Variants in PRKCB observed in about 807,000 individuals in gnomAD.
The protein encoded by PRKCB is protein kinase C beta.
Under a neutral mutation model 81.5 loss-of-function variants are expected in PRKCB, and 13 were observed. The ratio of observed to expected loss-of-function variants is 0.16; its 90% CI spans 0.10 to 0.25. The LOEUF (loss-of-function observed/expected upper bound fraction) is 0.25, where lower values mean the gene tolerates loss of function less well. PRKCB is among the 10% of genes least tolerant of loss of function. The pLI is 1.00. For synonymous variants in PRKCB, 335 were observed against 321.4 expected (o/e 1.04, Z -0.45); for missense variants, 509 against 875.7 (o/e 0.58, Z 5.29).
At chr16:24,021,018 T>TTCTTTCTTTCTTTCTTTTTC (rs1965362433) in intron 3 of PRKCB, among the ~76,000 whole-genome samples, 14 of 134,532 alleles carry the variant, frequency 1.0e-4, no homozygotes, top group African/African-American at 4.0e-4. Flanking sequence ...CTTTCTTTCT[T>TTCTTTCTTTCTTTCTTTTTC]TCTTTCTTTC....
At position 24,168,714 on chromosome 16, in the gene PRKCB, CTATTTTTTTT is replaced by C. The variant is rs1444401204; in HGVS notation, c.1240-3554_1240-3545del. Among the ~76,000 whole-genome samples, 17 of 120,864 alleles carry C rather than the reference CTATTTTTTTT, an allele frequency of 1.4e-4. No individual in the cohort carries two copies. In the East Asian group the frequency reaches 1.5e-3, roughly 11 times the overall value. The allele number at this position is 120,864 out of a possible 152,430, so 79.3% of individuals were successfully genotyped here. Reference sequence around the variant, plus strand: ...TACAGGTGCTCACCACCATGCCTGGCTATTTTTTTTTTTTTTTTTTTTTTGGTAGAGGCAG... The same window carrying C: ...TACAGGTGCTCACCACCATGCCTGGCTTTTTTTTTTTTTTGGTAGAGGCAG... On this transcript the variant is annotated intron_variant, in intron 10 of 16. Coordinates refer to ENST00000643927, the MANE Select transcript of PRKCB (RefSeq NM_002738.7).
At chr16:24,153,718 G>T (rs1967112026) in intron 9 of PRKCB, among the ~76,000 whole-genome samples, 1 of 152,166 alleles carries the variant, frequency 6.6e-6, no homozygotes, top group African/African-American at 2.4e-5. Context: ...TGGTTAACTG[G>T]CCCTGAATAT....
intron 9 of PRKCB, among the ~76,000 whole-genome samples, chr16:24,135,556 G>A (rs1339849471): frequency 1.3e-5 from 2 of 151,812 alleles, no homozygotes; most frequent in Non-Finnish European, 1.5e-5. Flanking sequence ...CAAGTGATCC[G>A]CCTGCCTCAG....
At chr16:24,146,420 A>C (rs1222812410) in intron 9 of PRKCB, among the ~76,000 whole-genome samples, 1 of 152,220 alleles carries the variant, frequency 6.6e-6, no homozygotes, top group Non-Finnish European at 1.5e-5. Context: ...CACCAAAAGC[A>C]AAGTATTGTT....
In PRKCB at chr16:24,168,769, G is replaced by A. The variant is rs185182209; in HGVS notation, c.1240-3501G>A. The stretch of plus-strand genomic sequence containing the variant: ...AGGCAGAGTCTTGCTATGTTCCCCA[G>A]GCTGTTCTCAAACTCCTAGCCTCAA... On this transcript the variant is annotated intron_variant, in intron 10 of 16. Transcript: ENST00000643927. Among the ~76,000 whole-genome samples the A allele has an allele frequency of 4.9e-5, 7 of 143,148 alleles. No homozygotes were observed. In the East Asian group the frequency reaches 1.4e-3, roughly 29 times the overall value. The allele number at this position is 143,148 out of a possible 152,430, so 93.9% of individuals were successfully genotyped here.
chr16:24,039,146 C>T (rs1353034217), intron 5 of PRKCB, among the ~76,000 whole-genome samples: 3 of 152,196 alleles, frequency 2.0e-5, no homozygotes, highest in African/African-American at 7.2e-5. Context: ...TGAGTCCTTA[C>T]CAGGAATTGA....
At chr16:24,206,947 T>A (rs1968055949) in intron 16 of PRKCB, among the ~76,000 whole-genome samples, 1 of 152,232 alleles carries the variant, frequency 6.6e-6, no homozygotes. Context: ...TCATTTTGTT[T>A]TGAGACAGGG....
At chr16:23,950,899 A>G (rs977437538) in intron 2 of PRKCB, among the ~76,000 whole-genome samples, 1 of 152,210 alleles carries the variant, frequency 6.6e-6, no homozygotes, top group African/African-American at 2.4e-5. Flanking sequence ...ATGCCTGAGC[A>G]TCCCTGGTAG....
intron 2 of PRKCB, among the ~76,000 whole-genome samples, chr16:23,934,819 G>A (rs1239788634): frequency 2.0e-5 from 3 of 152,268 alleles, no homozygotes; most frequent in Admixed American, 6.5e-5. Flanking sequence ...TTGTGGGTGG[G>A]GAGGAAAGAG....
In PRKCB at chr16:24,174,774, A is replaced by G. The variant is rs75955985; in HGVS notation, c.1394+194A>G. On this transcript the variant is annotated intron_variant, in intron 12 of 16. Coordinates refer to ENST00000643927, the MANE Select transcript of PRKCB (RefSeq NM_002738.7). ...AGTTTGGGCAGCTCTATATGGTGGTAGAAAATCTCGGTGGACTGTGTCACC... is the reference window on the plus strand; with the variant it reads ...AGTTTGGGCAGCTCTATATGGTGGTGGAAAATCTCGGTGGACTGTGTCACC... The G allele has an allele frequency of 1.8e-3, 890 of 502,458 alleles. 8 individuals carry two copies. Among genetic ancestry groups the G allele is most frequent in the African/African-American group, 0.016 (824 of 51,998 alleles). The allele number at this position is 502,458 out of a possible 1,614,324, so 31.1% of individuals were successfully genotyped here. A position where few individuals can be genotyped will look rare whatever the true frequency, so the allele number is the denominator to read the frequency against.
chr16:24,084,989 T>A (rs528366090), intron 5 of PRKCB, among the ~76,000 whole-genome samples: 37 of 152,078 alleles, frequency 2.4e-4, no homozygotes, highest in Admixed American at 2.1e-3. Context: ...GCACACAGGA[T>A]GTTGAAGAGA....
chr16:23,857,877 C>A (rs1042117513), intron 2 of PRKCB, among the ~76,000 whole-genome samples: 1 of 152,150 alleles, frequency 6.6e-6, no homozygotes, highest in Non-Finnish European at 1.5e-5. Flanking sequence ...AGTACTCACT[C>A]GGTGACTGGC....
chr16:23,906,425 T>A lies in PRKCB; in HGVS notation c.205+69019T>A, dbSNP rs1312092955. Among the ~76,000 whole-genome samples the A allele has an allele frequency of 4.6e-5, 7 of 152,298 alleles. No individual in the cohort carries two copies. The East Asian group carries it at 7.7e-4, about 17-fold the overall frequency. ...CATGTCTGTTAGCCTGGCATATGTT[T>A]TATATATAATGTAATTTATAAAATT... On this transcript the variant is annotated intron_variant, in intron 2 of 16. Transcript: ENST00000643927.
intron 3 of PRKCB, among the ~76,000 whole-genome samples, chr16:24,030,209 A>G (rs1965534074): frequency 6.6e-6 from 1 of 152,234 alleles, no homozygotes; most frequent in African/African-American, 2.4e-5. Flanking sequence ...GCAATGTATA[A>G]CAGAGAAAGC....
intron 5 of PRKCB, among the ~76,000 whole-genome samples, chr16:24,042,281 T>G (rs967086252): frequency 1.3e-5 from 2 of 152,158 alleles, no homozygotes; most frequent in African/African-American, 4.8e-5. Context: ...ATGCCCCAAT[T>G]TGTGAAACCA....
intron 7 of PRKCB, among the ~76,000 whole-genome samples, chr16:24,102,530 C>T (rs1235581834): frequency 1.3e-5 from 2 of 152,176 alleles, no homozygotes; most frequent in Non-Finnish European, 1.5e-5. Flanking sequence ...TAATTGAAGA[C>T]CGTGTGGCAG....
intron 9 of PRKCB, among the ~76,000 whole-genome samples, chr16:24,143,435 A>G (rs1966935879): frequency 6.6e-6 from 1 of 152,050 alleles, no homozygotes; most frequent in South Asian, 2.1e-4. Context: ...CCCGGCCGAG[A>G]TAGGATCTTA....
At chr16:24,018,191 G>A (rs1321421202) in intron 3 of PRKCB, among the ~76,000 whole-genome samples, 2 of 151,680 alleles carry the variant, frequency 1.3e-5, no homozygotes, top group Non-Finnish European at 2.9e-5. Context: ...GAGCCACTGC[G>A]CCCGGCCCAT....
rs143886781 is a variant in PRKCB at position 24,202,803 on chromosome 16, A to G, written c.1863+11573A>G. On this transcript the variant is annotated intron_variant, in intron 16 of 16. Coordinates refer to ENST00000643927, the MANE Select transcript of PRKCB (RefSeq NM_002738.7). ...TTTGAATAACTTCCTAGTTTCCTAT[A>G]TAAGTGAGTTTATCTGTAGGAAAAG... Among the ~76,000 whole-genome samples, 357 of 152,296 alleles carry G rather than the reference A, an allele frequency of 2.3e-3. 1 individual carries two copies. The highest frequency in any genetic ancestry group is 3.7e-3 in the Non-Finnish European group (251 of 68,032).
Sources: allele counts gnomAD v4.1 joint callset (sites outside exome capture counted in the v4.1 genomes callset), GRCh38; gene constraint gnomAD v4.1.1; transcripts MANE v1.5; gene names NCBI Gene and HGNC (gene_info 2026-07-23, HGNC 2026-07-21).